TENM2: variants seen among roughly 807,000 people sequenced by gnomAD.
The protein encoded by TENM2 is teneurin transmembrane protein 2.
TENM2 carries 52 observed loss-of-function variants against 245.2 expected under a neutral mutation model. The ratio of observed to expected loss-of-function variants is 0.21; its 90% CI spans 0.17 to 0.27. The LOEUF is 0.27. TENM2 is among the 10% of genes least tolerant of loss of function. The pLI is 1.00. For synonymous variants in TENM2, 1,363 were observed against 1,438.9 expected (o/e 0.95, Z 1.19); for missense variants, 3,046 against 3,666.8 (o/e 0.83, Z 4.37).
At chr5:167,757,017 T>C (rs1190361863) in intron 2 of TENM2, among the ~76,000 whole-genome samples, 2 of 151,714 alleles carry the variant, frequency 1.3e-5, no homozygotes, top group Admixed American at 1.3e-4. Flanking sequence ...TACTTTCTCA[T>C]ATACCTTTTC....
intron 2 of TENM2, among the ~76,000 whole-genome samples, chr5:167,761,055 A>G (rs184801223): frequency 2.0e-5 from 3 of 152,092 alleles, no homozygotes; most frequent in Non-Finnish European, 4.4e-5. Context: ...GGTGACTAAG[A>G]TAGTGAGTGA....
chr5:167,525,085 C>T (rs1771019117), intron 2 of TENM2, among the ~76,000 whole-genome samples: 1 of 151,892 alleles, frequency 6.6e-6, no homozygotes, highest in Non-Finnish European at 1.5e-5. Context: ...TGTTGATCTT[C>T]CCAAACTGTG....
intron 2 of TENM2, among the ~76,000 whole-genome samples, chr5:167,514,954 T>G (rs1051734626): frequency 2.0e-5 from 3 of 152,012 alleles, no homozygotes; most frequent in African/African-American, 7.2e-5. Context: ...GAGGTTGCGG[T>G]GAGCCGAGAT....
chr5:167,562,256 G>C (rs1773640851), intron 2 of TENM2, among the ~76,000 whole-genome samples: 1 of 152,152 alleles, frequency 6.6e-6, no homozygotes, highest in African/African-American at 2.4e-5. Flanking sequence ...TGTATATTAA[G>C]AGCTCTAACA....
chr5:167,899,688 G>A (rs1775529535), intron 3 of TENM2, among the ~76,000 whole-genome samples: 1 of 152,086 alleles, frequency 6.6e-6, no homozygotes, highest in Non-Finnish European at 1.5e-5. Flanking sequence ...AGTGTGGGTG[G>A]GAAAACCAGT....
At chr5:167,851,282 G>GT (rs1391279354) in intron 2 of TENM2, among the ~76,000 whole-genome samples, 1 of 152,110 alleles carries the variant, frequency 6.6e-6, no homozygotes, top group African/African-American at 2.4e-5. Context: ...CTGCAATGGA[G>GT]TTTTTTGCCT....
intron 3 of TENM2, among the ~76,000 whole-genome samples, chr5:167,881,199 GTAATT>G (rs1278895563): frequency 6.6e-6 from 1 of 152,160 alleles, no homozygotes; most frequent in Non-Finnish European, 1.5e-5. Context: ...TATGCACATT[GTAATT>G]TAATTTAATT....
At chr5:167,733,518 A>G (rs1444412856) in intron 2 of TENM2, among the ~76,000 whole-genome samples, 1 of 152,186 alleles carries the variant, frequency 6.6e-6, no homozygotes, top group Non-Finnish European at 1.5e-5. Context: ...CTGCTGTTTT[A>G]CATACAAGAA....
intron 2 of TENM2, among the ~76,000 whole-genome samples, chr5:167,726,815 G>T (rs77491307): frequency 6.6e-6 from 1 of 152,046 alleles, no homozygotes; most frequent in Non-Finnish European, 1.5e-5. Flanking sequence ...TGCCCAAACC[G>T]TTGCTTTCAT....
chr5:167,765,298 T>C (rs570471015), intron 2 of TENM2, among the ~76,000 whole-genome samples: 34 of 152,288 alleles, frequency 2.2e-4, no homozygotes, highest in Non-Finnish European at 4.3e-4. Flanking sequence ...ATGTGTTTCT[T>C]TCCGTTTACA....
chr5:167,961,101 T>C (rs143948204), intron 4 of TENM2, among the ~76,000 whole-genome samples: 47 of 152,324 alleles, frequency 3.1e-4, no homozygotes, highest in African/African-American at 1.0e-3. Context: ...CTGGCTTCTG[T>C]GTTGATCTCA....
At chr5:167,664,302 C>T (rs527474323) in intron 2 of TENM2, among the ~76,000 whole-genome samples, 1 of 152,332 alleles carries the variant, frequency 6.6e-6, no homozygotes, top group East Asian at 1.9e-4. Flanking sequence ...GATGTTTTCT[C>T]CTTCTAGAAT....
intron 4 of TENM2, among the ~76,000 whole-genome samples, chr5:167,961,887 T>C (rs1781038524): frequency 1.3e-5 from 2 of 152,214 alleles, no homozygotes; most frequent in African/African-American, 4.8e-5. Flanking sequence ...ATTGCCCTAG[T>C]TGTTACATTT....
the TENM2 span, among the ~76,000 whole-genome samples, chr5:167,220,118 T>C: frequency 6.6e-6 from 1 of 152,146 alleles, no homozygotes; most frequent in African/African-American, 2.4e-5. Context: ...TGCTGGCCCT[T>C]TGAACTATAC....
chr5:168,171,280 G>T (rs1758800698), intron 13 of TENM2, among the ~76,000 whole-genome samples: 1 of 152,166 alleles, frequency 6.6e-6, no homozygotes, highest in South Asian at 2.1e-4. Context: ...AGTTCAATGA[G>T]TCTATTTCAT....
chr5:167,493,647 CATG>C (rs1430448275), intron 2 of TENM2, among the ~76,000 whole-genome samples: 1 of 152,044 alleles, frequency 6.6e-6, no homozygotes, highest in South Asian at 2.1e-4. Flanking sequence ...AGGTGAATTA[CATG>C]ATATCTTAGT....
chr5:167,321,470 T>G (rs1756717256), intron 1 of TENM2, among the ~76,000 whole-genome samples: 1 of 152,124 alleles, frequency 6.6e-6, no homozygotes, highest in Admixed American at 6.6e-5. Context: ...TCATAAGCCT[T>G]GAGAATTTAT....
chr5:167,027,588 A>G, the TENM2 span, among the ~76,000 whole-genome samples: 1 of 152,222 alleles, frequency 6.6e-6, no homozygotes, highest in East Asian at 1.9e-4. Flanking sequence ...TAGAAAAAGT[A>G]CTTTAATTTT....
chr5:168,067,197 C>T (rs1349465311), intron 7 of TENM2, among the ~76,000 whole-genome samples: 2 of 152,144 alleles, frequency 1.3e-5, no homozygotes, highest in South Asian at 2.1e-4. Flanking sequence ...TAAAAGTATA[C>T]GATGGGCTTA....
Sources: allele counts gnomAD v4.1 joint callset (sites outside exome capture counted in the v4.1 genomes callset), GRCh38; gene constraint gnomAD v4.1.1; transcripts MANE v1.5; gene names NCBI Gene and HGNC (gene_info 2026-07-23, HGNC 2026-07-21).